Variants in ABCB1 observed in about 807,000 individuals in gnomAD.
ABCB1 encodes ATP binding cassette subfamily B member 1, also known as ATP-dependent translocase ABCB1.
In ABCB1, 69 loss-of-function variants were observed where a neutral mutation model predicts 142.0. The ratio of observed to expected loss-of-function variants is 0.49; its 90% CI spans 0.40 to 0.59. The LOEUF (loss-of-function observed/expected upper bound fraction) is 0.59, where lower values mean the gene tolerates loss of function less well. Among genes scored for constraint, ABCB1 ranks in the 20% least tolerant of loss-of-function variants. The probability of loss-of-function intolerance (pLI) is 0.00; values close to 1 mark genes in which losing one functional copy is unlikely to be tolerated. For missense variants in ABCB1, 1,326 were observed against 1,554.7 expected (o/e 0.85, Z 2.47); for synonymous variants, 532 against 539.2 (o/e 0.99, Z 0.18).
In ABCB1 at chr7:87,561,339, C is replaced by CAGCTT; in HGVS notation, c.746_750dup (p.Gly251LysfsTer5). 1 of 1,613,824 alleles carries CAGCTT rather than the reference C, an allele frequency of 6.2e-7. No individual in the cohort carries two copies. The highest frequency in any genetic ancestry group is 8.5e-7 in the Non-Finnish European group (1 of 1,179,828). On this transcript the variant is annotated frameshift_variant, in exon 8 of 28. Transcript: ENST00000622132. LOFTEE classifies it high-confidence loss of function. ...GCCAAGACCTCTTCAGCTACTGCTCCAGCTTTTGCATACGCTAAGAGTTCT... is the reference window on the plus strand; with the variant it reads ...GCCAAGACCTCTTCAGCTACTGCTCCAGCTTAGCTTTTGCATACGCTAAGAGTTCT...
intron 4 of ABCB1, among the ~76,000 whole-genome samples, chr7:87,572,223 T>G (rs1342590062): frequency 6.6e-6 from 1 of 152,202 alleles, no homozygotes; most frequent in African/African-American, 2.4e-5. Flanking sequence ...TGCCAGTATG[T>G]CACTACCAAA....
chr7:87,560,471 C>A (rs1229537494), intron 8 of ABCB1, among the ~76,000 whole-genome samples: 1 of 152,116 alleles, frequency 6.6e-6, no homozygotes, highest in Non-Finnish European at 1.5e-5. Context: ...GTGTTCGGCT[C>A]TCCTTACACA....
At chr7:87,552,340 T>C (rs1485156387) in intron 9 of ABCB1, among the ~76,000 whole-genome samples, 1 of 152,214 alleles carries the variant, frequency 6.6e-6, no homozygotes, top group Non-Finnish European at 1.5e-5. Context: ...ATATTCATTA[T>C]CTCAGTTAGT....
At position 87,549,994 on chromosome 7, in the gene ABCB1, C is replaced by A. The variant is rs1488572511; in HGVS notation, c.1411G>T (p.Gly471Cys). Residue 471 changes from glycine to cysteine, a missense_variant, in exon 13 of 28, where the codon GGT becomes TGT. Physicochemically the swap from Gly to Cys is radical, Grantham distance 159 (BLOSUM62 -3). Coordinates refer to ENST00000622132, the MANE Select transcript of ABCB1 (RefSeq NM_001348946.2). The part of the protein sequence containing the change: ...INVRFLREII[G>C]VVSQEPVLFA... ...AATACAGGTTCCTGACTCACCACAC[C>A]AATGATTTCCCGTAGAAACCTTACA... 1 of 1,614,212 alleles carries A rather than the reference C, an allele frequency of 6.2e-7. No individual in the cohort carries two copies. Among genetic ancestry groups the A allele is most frequent in the Non-Finnish European group, 8.5e-7 (1 of 1,180,024 alleles).
intron 1 of ABCB1, among the ~76,000 whole-genome samples, chr7:87,697,172 C>T (rs1484185793): frequency 6.6e-6 from 1 of 152,148 alleles, no homozygotes; most frequent in Non-Finnish European, 1.5e-5. Flanking sequence ...CATGGACAAC[C>T]TATGCTTTAT....
chr7:87,565,574 T>A (rs904687337), intron 7 of ABCB1: 33 of 388,806 alleles, frequency 8.5e-5, no homozygotes, highest in African/African-American at 5.7e-4. Flanking sequence ...TGTGTTTGAA[T>A]GCTGACAAAA....
intron 1 of ABCB1, among the ~76,000 whole-genome samples, chr7:87,694,460 T>A (rs1246572215): frequency 6.6e-6 from 1 of 152,216 alleles, no homozygotes; most frequent in Admixed American, 6.5e-5. Flanking sequence ...ATGATCTAGC[T>A]TTCTGTATTT....
intron 1 of ABCB1, among the ~76,000 whole-genome samples, chr7:87,705,767 G>T (rs570423751): frequency 6.6e-6 from 1 of 151,936 alleles, no homozygotes; most frequent in Non-Finnish European, 1.5e-5. Flanking sequence ...CTGCTCTTGG[G>T]TCATATGCTC....
chr7:87,696,142 G>T (rs981944007), intron 1 of ABCB1, among the ~76,000 whole-genome samples: 2 of 152,132 alleles, frequency 1.3e-5, no homozygotes, highest in African/African-American at 4.8e-5. Flanking sequence ...AAAGCATATT[G>T]TATACCTATA....
At position 87,516,797 on chromosome 7, in the gene ABCB1, T is replaced by C. The variant is rs1317392922; in HGVS notation, c.2928-132A>G. 4 of 918,402 alleles carry C rather than the reference T, an allele frequency of 4.4e-6. No individual in the cohort carries two copies. The African/African-American group carries it at 5.4e-5, about 12-fold the overall frequency. The allele number at this position is 918,402 out of a possible 1,614,324, so 56.9% of individuals were successfully genotyped here. A position where few individuals can be genotyped will look rare whatever the true frequency, so the allele number is the denominator to read the frequency against. ...TGTTGCCCAGGCTGGAGTGCAGTAG[T>C]GCAATCAGAGCTCACTAAAGATATG... is the stretch of plus-strand genomic sequence containing the variant. On this transcript the variant is annotated intron_variant, in intron 23 of 27. Transcript: ENST00000622132.
At chr7:87,535,087 T>C (rs1208930875) in intron 20 of ABCB1, among the ~76,000 whole-genome samples, 1 of 152,106 alleles carries the variant, frequency 6.6e-6, no homozygotes, top group Non-Finnish European at 1.5e-5. Context: ...TTATAGCCTT[T>C]TGTATAACCA....
At chr7:87,686,493 T>C (rs1280879454) in intron 1 of ABCB1, among the ~76,000 whole-genome samples, 1 of 152,186 alleles carries the variant, frequency 6.6e-6, no homozygotes, top group African/African-American at 2.4e-5. Flanking sequence ...ACTTTGATTA[T>C]TTATGGACTG....
chr7:87,641,987 T>A (rs745820747), intron 1 of ABCB1, among the ~76,000 whole-genome samples: 3 of 152,070 alleles, frequency 2.0e-5, no homozygotes, highest in Non-Finnish European at 4.4e-5. Flanking sequence ...ACAAAACATC[T>A]GTATCTTAAC....
intron 17 of ABCB1, 113 bp downstream of exon 17, chr7:87,544,016 G>A (rs1450655003): frequency 1.6e-6 from 2 of 1,269,674 alleles, no homozygotes; most frequent in Non-Finnish European, 1.1e-6. Context: ...AGTTTCATAT[G>A]GAGATACGTG....
At position 87,515,379 on chromosome 7, in the gene ABCB1, G is replaced by A; in HGVS notation, c.3134C>T (p.Pro1045Leu). 6.2e-7 allele frequency: 1 copy of A among 1,614,022 alleles called. No individual in the cohort carries two copies. The stretch of plus-strand genomic sequence containing the variant: ...AAGCACTGGGATGTCCGGTCGGGTG[G>A]GATAGTTGAATACAACTTCACCAAA... Reference protein sequence around the residue: ...VTFGEVVFNYPTRPDIPVLQG... With the variant: ...VTFGEVVFNYLTRPDIPVLQG... Residue 1045 changes from proline (P) to leucine (L), a missense_variant, in exon 25 of 28, where the codon CCC (proline) becomes CTC (leucine). Transcript: ENST00000622132.
intron 21 of ABCB1, among the ~76,000 whole-genome samples, chr7:87,523,271 C>A (rs1231522391): frequency 5.9e-5 from 9 of 152,096 alleles, no homozygotes; most frequent in Admixed American, 5.9e-4. Flanking sequence ...TGGCACTACA[C>A]CTGGCTTGAA....
intron 4 of ABCB1, among the ~76,000 whole-genome samples, chr7:87,584,776 C>T (rs1818662044): frequency 6.6e-6 from 1 of 152,138 alleles, no homozygotes; most frequent in Non-Finnish European, 1.5e-5. Flanking sequence ...CTCAAATTCA[C>T]TTTTCCCACC....
At chr7:87,611,505 A>G (rs1819848892) in intron 1 of ABCB1, among the ~76,000 whole-genome samples, 1 of 152,066 alleles carries the variant, frequency 6.6e-6, no homozygotes, top group African/African-American at 2.4e-5. Flanking sequence ...TAATTTGCTT[A>G]GGATAATGGC....
chr7:87,703,525 A>G (rs1332245802), intron 1 of ABCB1, among the ~76,000 whole-genome samples: 1 of 152,140 alleles, frequency 6.6e-6, no homozygotes, highest in Non-Finnish European at 1.5e-5. Context: ...CCCTCCTGCC[A>G]ATCTTCAACC....
Sources: gnomAD v4.1 joint callset for allele counts (sites outside exome capture counted in the v4.1 genomes callset) on GRCh38, gnomAD v4.1.1 for gene constraint, MANE v1.5 for transcripts, NCBI Gene and HGNC (gene_info 2026-07-23, HGNC 2026-07-21) for gene names.